The following COG5 variants were observed in gnomAD, a reference collection of about 807,000 sequenced individuals.
The protein encoded by COG5 is conserved oligomeric Golgi complex subunit 5.
In COG5, 86 loss-of-function variants were observed where a neutral mutation model predicts 110.4. The observed-to-expected ratio is 0.78, with a 90% CI of 0.65 to 0.93. The LOEUF (loss-of-function observed/expected upper bound fraction) is 0.93. Ranked by LOEUF, COG5 falls within the 40% of genes least tolerant of loss-of-function variation. COG5 has a pLI of 0.00. For missense variants in COG5, 1,077 were observed against 987.0 expected, an observed-to-expected ratio of 1.09 and a Z score of -1.22; for synonymous variants, 360 against 334.6, an observed-to-expected ratio of 1.08 and a Z score of -0.83.
intron 10 of COG5, among the ~76,000 whole-genome samples, chr7:107,344,076 AC>A (rs138171637): frequency 5.3e-5 from 8 of 152,274 alleles, no homozygotes; most frequent in African/African-American, 1.7e-4. Flanking sequence ...GGGGCATTAG[AC>A]CTAAAAATAG....
intron 12 of COG5, among the ~76,000 whole-genome samples, chr7:107,297,672 C>T (rs1301597670): frequency 1.3e-5 from 2 of 152,034 alleles, no homozygotes; most frequent in Non-Finnish European, 2.9e-5. Flanking sequence ...TGGTCTCGAA[C>T]TCCTGACCTA....
chr7:107,224,112 G>A (rs1003877716), intron 19 of COG5, among the ~76,000 whole-genome samples: 18 of 152,206 alleles, frequency 1.2e-4, no homozygotes, highest in African/African-American at 3.1e-4. Context: ...TAAGAATCCC[G>A]AAACCTCAGA....
At chr7:107,394,713 G>C (rs1261886691) in intron 7 of COG5, among the ~76,000 whole-genome samples, 1 of 152,060 alleles carries the variant, frequency 6.6e-6, no homozygotes, top group Non-Finnish European at 1.5e-5. Flanking sequence ...TTATATAATT[G>C]AAATTAGAAA....
At chr7:107,283,109 G>GC (rs1482083024) in intron 13 of COG5, among the ~76,000 whole-genome samples, 1 of 152,144 alleles carries the variant, frequency 6.6e-6, no homozygotes, top group African/African-American at 2.4e-5. Flanking sequence ...AGTCTTAAAA[G>GC]CTGTCACATT....
At chr7:107,355,712 G>C (rs1812568945) in intron 10 of COG5, among the ~76,000 whole-genome samples, 1 of 152,140 alleles carries the variant, frequency 6.6e-6, no homozygotes, top group Non-Finnish European at 1.5e-5. Context: ...ATGACATTTT[G>C]AAAAAGGCAA....
chr7:107,353,062 T>C (rs929120557), intron 10 of COG5, among the ~76,000 whole-genome samples: 3 of 152,208 alleles, frequency 2.0e-5, no homozygotes, highest in Admixed American at 2.0e-4. Context: ...AATTTCTTAA[T>C]GTCTAATAAT....
intron 14 of COG5, among the ~76,000 whole-genome samples, chr7:107,271,680 T>C (rs775863115): frequency 1.3e-5 from 2 of 152,190 alleles, no homozygotes; most frequent in African/African-American, 2.4e-5. Context: ...ATCATAATTC[T>C]AGAATATGCT....
intron 11 of COG5, among the ~76,000 whole-genome samples, chr7:107,312,373 T>C (rs1216405404): frequency 6.6e-6 from 1 of 152,110 alleles, no homozygotes; most frequent in African/African-American, 2.4e-5. Context: ...CAGAGCCCAG[T>C]GGGAGACTCA....
chr7:107,466,710 A>T (rs1796316282), intron 6 of COG5, among the ~76,000 whole-genome samples: 1 of 152,236 alleles, frequency 6.6e-6, no homozygotes, highest in African/African-American at 2.4e-5. Context: ...AAATCTCTGA[A>T]TTGGCATTAA....
intron 5 of COG5, among the ~76,000 whole-genome samples, chr7:107,545,461 G>T (rs1802342862): frequency 6.6e-6 from 1 of 152,252 alleles, no homozygotes; most frequent in African/African-American, 2.4e-5. Flanking sequence ...AGCCAGGAGA[G>T]ACAGGGATGA....
rs1491207494 is a variant in COG5, at chr7:107,476,183, TTA to T, written c.538+51052_538+51053del. 2.9e-3 allele frequency among the ~76,000 whole-genome samples: 255 copies of T among 86,468 alleles called. 2 individuals are homozygous for T. The highest frequency in any genetic ancestry group is 0.012 in the African/African-American group (205 of 17,216). 56.7% of individuals were successfully genotyped at this position (86,468 alleles called of 152,430 possible). ...TCTGGATTAATATAGTGCAATGATT[TTA>T]AAAAAAAAAAAAAAAAAAAAAAGAA... is the stretch of plus-strand genomic sequence containing the variant. On this transcript the variant is annotated intron_variant, in intron 6 of 21. Transcript: ENST00000297135.
At chr7:107,209,373 GAGAAA>G (rs1266747136) in intron 21 of COG5, 6 of 280,708 alleles carry the variant, frequency 2.1e-5, no homozygotes, top group Non-Finnish European at 2.7e-5. Context: ...GAAGGTTTGA[GAGAAA>G]AGATTAGAAT....
chr7:107,369,823 T>C (rs1813966612), intron 8 of COG5, among the ~76,000 whole-genome samples: 1 of 152,200 alleles, frequency 6.6e-6, no homozygotes, highest in Non-Finnish European at 1.5e-5. Flanking sequence ...AATTTTATTC[T>C]CCTTGCATAG....
intron 6 of COG5, among the ~76,000 whole-genome samples, chr7:107,502,142 T>C (rs1454332532): frequency 1.3e-5 from 2 of 152,128 alleles, no homozygotes; most frequent in Non-Finnish European, 2.9e-5. Flanking sequence ...GTACCTAATA[T>C]GCAGTTTTTT....
intron 6 of COG5, among the ~76,000 whole-genome samples, chr7:107,456,967 A>G (rs1464284400): frequency 6.6e-6 from 1 of 152,240 alleles, no homozygotes; most frequent in Non-Finnish European, 1.5e-5. Context: ...GATCAAGTTG[A>G]TCCACAAGTA....
intron 6 of COG5, among the ~76,000 whole-genome samples, chr7:107,438,363 A>T (rs947135829): frequency 6.6e-6 from 1 of 152,110 alleles, no homozygotes; most frequent in Admixed American, 6.5e-5. Context: ...TTACCTTCCC[A>T]CAGTTTCCCA....
intron 14 of COG5, among the ~76,000 whole-genome samples, chr7:107,280,458 TATAGATA>T (rs1165364769): frequency 6.6e-6 from 1 of 152,076 alleles, no homozygotes; most frequent in African/African-American, 2.4e-5. Context: ...ACAACTTGGA[TATAGATA>T]AAAGTAGATT....
At chr7:107,213,969 T>C (rs1447810109) in intron 19 of COG5, among the ~76,000 whole-genome samples, 1 of 151,974 alleles carries the variant, frequency 6.6e-6, no homozygotes, top group African/African-American at 2.4e-5. Flanking sequence ...ACAACAATCC[T>C]CTTAAGGAAG....
At chr7:107,471,440 T>C (rs943799097) in intron 6 of COG5, 11 of 152,050 alleles carry the variant, frequency 7.2e-5, no homozygotes, top group Non-Finnish European at 1.6e-4. Flanking sequence ...AGCATCTCCC[T>C]AGCTGTCTGA....
Sources: allele counts gnomAD v4.1 joint callset (sites outside exome capture counted in the v4.1 genomes callset), GRCh38; gene constraint gnomAD v4.1.1; transcripts MANE v1.5; gene names NCBI Gene and HGNC (gene_info 2026-07-23, HGNC 2026-07-21).